TENM2: variants seen among roughly 807,000 people sequenced by gnomAD.
TENM2 encodes the protein teneurin-2.
TENM2 carries 52 observed loss-of-function variants against 245.2 expected under a neutral mutation model. That is an observed-to-expected ratio of 0.21 (90% CI 0.17 to 0.27). The LOEUF (loss-of-function observed/expected upper bound fraction) is 0.27, where lower values mean the gene tolerates loss of function less well. TENM2 is among the 10% of genes least tolerant of loss of function. TENM2 has a pLI of 1.00. For synonymous variants in TENM2, 1,363 were observed against 1,438.9 expected, an observed-to-expected ratio of 0.95 and a Z score of 1.19; for missense variants, 3,046 against 3,666.8, an observed-to-expected ratio of 0.83 and a Z score of 4.37.
chr5:167,628,898 T>A (rs1230123476), intron 2 of TENM2, among the ~76,000 whole-genome samples: 3 of 152,214 alleles, frequency 2.0e-5, no homozygotes, highest in Non-Finnish European at 4.4e-5. Context: ...GTGTATTGCT[T>A]GCATTGTTTT....
chr5:168,109,065 C>G (rs919565367), intron 9 of TENM2, among the ~76,000 whole-genome samples: 2 of 152,138 alleles, frequency 1.3e-5, no homozygotes, highest in African/African-American at 2.4e-5. Flanking sequence ...CCATCTTGCC[C>G]TGAAATCCTC....
At chr5:167,668,703 C>A (rs1755734826) in intron 2 of TENM2, among the ~76,000 whole-genome samples, 1 of 152,100 alleles carries the variant, frequency 6.6e-6, no homozygotes, top group African/African-American at 2.4e-5. Flanking sequence ...AACTGTAATC[C>A]CAGAACTTTG....
intron 2 of TENM2, among the ~76,000 whole-genome samples, chr5:167,489,064 C>T (rs1419164944): frequency 2.6e-5 from 4 of 152,212 alleles, no homozygotes; most frequent in African/African-American, 9.7e-5. Context: ...GAAGCCACCA[C>T]CATCACTCCC....
intron 3 of TENM2, among the ~76,000 whole-genome samples, chr5:167,877,141 G>A (rs1310395540): frequency 6.6e-6 from 1 of 152,168 alleles, no homozygotes; most frequent in Admixed American, 6.5e-5. Context: ...TCAGTCATGA[G>A]GTTAATTAGC....
chr5:167,069,685 C>T, the TENM2 span, among the ~76,000 whole-genome samples: 2 of 152,080 alleles, frequency 1.3e-5, no homozygotes, highest in African/African-American at 2.4e-5. Flanking sequence ...GAAGGATGCT[C>T]GCCAAAGTGT....
intron 2 of TENM2, among the ~76,000 whole-genome samples, chr5:167,850,568 A>T (rs912874562): frequency 1.3e-5 from 2 of 152,234 alleles, no homozygotes; most frequent in Non-Finnish European, 1.5e-5. Flanking sequence ...TTAAATGAGA[A>T]AATTCCTTTC....
chr5:166,997,897 A>G, the TENM2 span, among the ~76,000 whole-genome samples: 1 of 150,716 alleles, frequency 6.6e-6, no homozygotes, highest in African/African-American at 2.4e-5. Context: ...AAAAACATAA[A>G]TAAACAACAG....
At chr5:168,097,927 T>C (rs1793500997) in intron 8 of TENM2, 99 bp from the exon 11 acceptor site, 1 of 786,540 alleles carries the variant, frequency 1.3e-6, no homozygotes, top group East Asian at 2.7e-5. Context: ...CATCTGAGAT[T>C]ACTACCACTG....
At chr5:168,177,189 C>A (rs1051919185) in intron 13 of TENM2, among the ~76,000 whole-genome samples, 1 of 152,206 alleles carries the variant, frequency 6.6e-6, no homozygotes, top group African/African-American at 2.4e-5. Flanking sequence ...GCGTGTGAAT[C>A]CCAGCTTCCC....
intron 2 of TENM2, among the ~76,000 whole-genome samples, chr5:167,537,444 A>G (rs1771927471): frequency 6.6e-6 from 1 of 152,202 alleles, no homozygotes; most frequent in Non-Finnish European, 1.5e-5. Flanking sequence ...CTTAGGAATC[A>G]TTTCAAATTA....
intron 2 of TENM2, among the ~76,000 whole-genome samples, chr5:167,420,231 C>A (rs10072836): frequency 1.3e-5 from 2 of 152,072 alleles, no homozygotes; most frequent in African/African-American, 2.4e-5. Context: ...GGCTATGAGA[C>A]CTTTTAATTT....
intron 9 of TENM2, among the ~76,000 whole-genome samples, chr5:168,113,694 A>AT (rs548875845): frequency 4.6e-5 from 7 of 152,092 alleles, no homozygotes; most frequent in South Asian, 2.1e-4. Flanking sequence ...AAATTCTGTC[A>AT]TTTTTTTGTC....
At chr5:167,251,163 CGT>C in the TENM2 span, among the ~76,000 whole-genome samples, 1 of 152,024 alleles carries the variant, frequency 6.6e-6, no homozygotes, top group Non-Finnish European at 1.5e-5. Context: ...AGAAAAGGAA[CGT>C]GTTGTAAAAG....
At chr5:167,281,269 G>A (rs1039129822), upstream of TENM2, among the ~76,000 whole-genome samples, 16 of 145,184 alleles carry the variant, frequency 1.1e-4, no homozygotes, top group African/African-American at 4.3e-4. Flanking sequence ...CACCACGCCT[G>A]GCTATTTTTT....
the TENM2 span, among the ~76,000 whole-genome samples, chr5:167,272,869 C>T: frequency 1.3e-5 from 2 of 152,190 alleles, no homozygotes; most frequent in African/African-American, 4.8e-5. Context: ...AAACAACTCT[C>T]TGTAGTATTT....
At chr5:167,169,488 T>A in the TENM2 span, among the ~76,000 whole-genome samples, 1 of 152,184 alleles carries the variant, frequency 6.6e-6, no homozygotes, top group African/African-American at 2.4e-5. Flanking sequence ...CTTGGGCATG[T>A]CCCTTAACTC....
intron 2 of TENM2, among the ~76,000 whole-genome samples, chr5:167,564,592 A>G (rs892136804): frequency 2.0e-5 from 3 of 152,198 alleles, no homozygotes; most frequent in Non-Finnish European, 4.4e-5. Flanking sequence ...AGAACTTGGC[A>G]GATTGAAACA....
chr5:168,147,335 A>G (rs1562215553), intron 12 of TENM2, among the ~76,000 whole-genome samples: 1 of 152,218 alleles, frequency 6.6e-6, no homozygotes, highest in Non-Finnish European at 1.5e-5. Context: ...ACTTTGGTGC[A>G]TTTAAATTCT....
rs553959763 is a variant in TENM2 at position 167,413,613 on chromosome 5, C to T, written c.502+38140C>T. The stretch of plus-strand genomic sequence containing the variant: ...TTACCTCCCTCAAATATCCAGCCAT[C>T]CATCCGTTTCCTTCTGAGCAGAGCA... On this transcript the variant is annotated intron_variant, in intron 2 of 28. Coordinates refer to ENST00000518659, the Ensembl canonical transcript of TENM2. 2.0e-5 allele frequency among the ~76,000 whole-genome samples: 3 copies of T among 152,244 alleles called. No individual in the cohort carries two copies. In the South Asian group the frequency reaches 6.2e-4, roughly 32 times the overall value.
Sources: gnomAD v4.1 joint callset for allele counts (sites outside exome capture counted in the v4.1 genomes callset) on GRCh38, gnomAD v4.1.1 for gene constraint, MANE v1.5 for transcripts, NCBI Gene and HGNC (gene_info 2026-07-23, HGNC 2026-07-21) for gene names.